The following DDX10 variants were observed in gnomAD, a reference collection of about 807,000 sequenced individuals.
DDX10 encodes DEAD-box helicase 10, also known as probable ATP-dependent RNA helicase DDX10.
In DDX10, 74 loss-of-function variants were observed where a neutral mutation model predicts 104.3. The observed-to-expected ratio is 0.71, with a 90% CI of 0.59 to 0.86. DDX10 has a LOEUF of 0.86. DDX10 is among the 40% of genes least tolerant of loss of function. The pLI is 0.00. For synonymous variants in DDX10, 351 were observed against 353.4 expected (o/e 0.99, Z 0.08); for missense variants, 952 against 1,040.0 (o/e 0.92, Z 1.16).
Position 108,723,337 on chromosome 11 carries a change from C to G in DDX10, c.1840C>G (p.Gln614Glu). The change falls in exon 13 of 18, where the codon CAG becomes GAG. Residue 614 changes from glutamine to glutamate, a missense_variant. This residue lies in a region of DDX10 where 533 missense variants were observed against 534.1 expected (regional missense o/e 1.00). Coordinates refer to ENST00000322536, the MANE Select transcript of DDX10 (RefSeq NM_004398.4). ...ATCTCTTCCTAACACCAGTGAGGCA[C>G]AGAAGATCAAGGAAGTTCCTACACA... ...APSLPNTSEA[Q>E]KIKEVPTQFL... The G allele has an allele frequency of 6.2e-7, 1 of 1,613,928 alleles. No homozygotes were observed. Among genetic ancestry groups the G allele is most frequent in the Non-Finnish European group, 8.5e-7 (1 of 1,179,922 alleles).
At chr11:108,920,549 C>T (rs1257665882) in intron 17 of DDX10, 1 of 152,112 alleles carries the variant, frequency 6.6e-6, no homozygotes, top group African/African-American at 2.4e-5. Context: ...GATGAAAAAA[C>T]CAAGGCTTTA....
chr11:108,855,766 T>C (rs1024243982), intron 16 of DDX10, among the ~76,000 whole-genome samples: 53 of 152,316 alleles, frequency 3.5e-4, no homozygotes, highest in African/African-American at 1.3e-3. Flanking sequence ...GCCAAAAGTA[T>C]GATTTATTAA....
chr11:108,771,892 A>G (rs1313160680), intron 13 of DDX10, among the ~76,000 whole-genome samples: 2 of 152,112 alleles, frequency 1.3e-5, no homozygotes, highest in East Asian at 3.9e-4. Context: ...TCTGATGTTG[A>G]TGTTCTTCTA....
chr11:108,788,336 A>G (rs1430211340), intron 13 of DDX10, among the ~76,000 whole-genome samples: 1 of 151,608 alleles, frequency 6.6e-6, no homozygotes, highest in African/African-American at 2.4e-5. Flanking sequence ...TCATGACTCT[A>G]TACAGAATCT....
rs535834063 is a variant in DDX10 at position 108,826,520 on chromosome 11, C to CTGTTA, written c.1966-11925_1966-11924insGTTAT. 3.6e-4 allele frequency among the ~76,000 whole-genome samples: 55 copies of CTGTTA among 152,328 alleles called. 1 individual carries two copies. The South Asian group carries it at 0.011, about 31-fold the overall frequency. The stretch of plus-strand genomic sequence containing the variant: ...CTCAGTTACCAGAGCCAAACTTGTT[C>CTGTTA]TTAACAAGTAGAATTTTTATGTCCA... On this transcript the variant is annotated intron_variant, in intron 13 of 17. Coordinates refer to ENST00000322536, the MANE Select transcript of DDX10 (RefSeq NM_004398.4).
At chr11:108,841,731 GTTA>G (rs1862641467) in intron 15 of DDX10, among the ~76,000 whole-genome samples, 1 of 152,020 alleles carries the variant, frequency 6.6e-6, no homozygotes, top group Admixed American at 6.5e-5. Context: ...TGGATTTGTT[GTTA>G]TTATTACAGT....
chr11:108,892,335 T>A (rs939466668), intron 16 of DDX10, among the ~76,000 whole-genome samples: 1 of 152,122 alleles, frequency 6.6e-6, no homozygotes, highest in African/African-American at 2.4e-5. Context: ...TTGATCCCCT[T>A]CCCCTCTGGA....
intron 17 of DDX10, among the ~76,000 whole-genome samples, chr11:108,933,400 A>G (rs1863999002): frequency 6.6e-6 from 1 of 152,230 alleles, no homozygotes; most frequent in Non-Finnish European, 1.5e-5. Context: ...TAGAATAGCC[A>G]GACTCGAGTT....
At chr11:108,890,590 A>AAT (rs1863362881) in intron 16 of DDX10, among the ~76,000 whole-genome samples, 6 of 150,896 alleles carry the variant, frequency 4.0e-5, no homozygotes, top group Admixed American at 4.0e-4. Context: ...AAAGGCCTCT[A>AAT]CCCTGCATAG....
intron 16 of DDX10, among the ~76,000 whole-genome samples, chr11:108,880,644 A>G (rs1353827264): frequency 6.6e-6 from 1 of 152,222 alleles, no homozygotes; most frequent in Non-Finnish European, 1.5e-5. Flanking sequence ...AGGAAAACGT[A>G]GGCACTTCGG....
chr11:108,727,555 A>G (rs1322822705), intron 13 of DDX10, among the ~76,000 whole-genome samples: 3 of 152,166 alleles, frequency 2.0e-5, no homozygotes, highest in South Asian at 2.1e-4. Flanking sequence ...TCAGAATTTT[A>G]TTGCCATATG....
rs1862637136 is a variant in DDX10, at chr11:108,841,447, T to C, written c.2218T>C (p.Tyr740His). 1 of 1,613,756 alleles carries C rather than the reference T, an allele frequency of 6.2e-7. No individual in the cohort carries two copies. The highest frequency in any genetic ancestry group is 2.2e-5 in the East Asian group (1 of 44,852). ...AGAGGACAAATTTGACAAAGAAGAA[T>C]ATAGGAAAAAAATTAAGGCAAAGCA... Reference protein sequence around the residue: ...QEEDKFDKEEYRKKIKAKHRE... With the variant: ...QEEDKFDKEEHRKKIKAKHRE... The change falls in exon 15 of 18, where the codon TAT becomes CAT. Residue 740 changes from tyrosine (Y) to histidine (H), a missense_variant. Transcript: ENST00000322536.
chr11:108,668,050 G>C (rs11212748), intron 1 of DDX10, among the ~76,000 whole-genome samples: 1 of 152,218 alleles, frequency 6.6e-6, no homozygotes, highest in South Asian at 2.1e-4. Context: ...GTTGTTTGCT[G>C]TAAGACTAGA....
Position 108,677,099 on chromosome 11 carries a change from A to G in DDX10, c.393A>G (p.Leu131=). 2 of 1,611,728 alleles carry G rather than the reference A, an allele frequency of 1.2e-6. No homozygotes were observed. The highest frequency in any genetic ancestry group is 1.1e-5 in the South Asian group (1 of 90,850). The part of the protein sequence containing the change: ...LAFLVPVLEA[L]YRLQWTSTDG... ...GTCTTTTTGAGGTGCTGGAAGCCTTATATCGTCTGCAATGGACTTCAACAG... is the reference window on the plus strand; with the variant it reads ...GTCTTTTTGAGGTGCTGGAAGCCTTGTATCGTCTGCAATGGACTTCAACAG... The change falls in exon 4 of 18, where the codon TTA becomes TTG. Residue 131 remains leucine, a synonymous_variant. Coordinates refer to ENST00000322536, the MANE Select transcript of DDX10 (RefSeq NM_004398.4).
chr11:108,677,234 T>C lies in DDX10; in HGVS notation c.528T>C (p.Ile176=). Residue 176 remains isoleucine (I), a synonymous_variant, in exon 4 of 18, where the codon ATT becomes ATC. Transcript: ENST00000322536. ...KNHDFSAGLI[I]GGKDLKHEAE... ...ATGACTTCTCAGCTGGTCTCATCAT[T>C]GGTGGAAAGGTTTGTCCTTTTGTCT... 6.2e-7 allele frequency: 1 copy of C among 1,613,234 alleles called. No individual in the cohort carries two copies. The highest frequency in any genetic ancestry group is 8.5e-7 in the Non-Finnish European group (1 of 1,179,378).
At chr11:108,737,277 AG>A (rs1490431710) in intron 13 of DDX10, among the ~76,000 whole-genome samples, 1 of 152,210 alleles carries the variant, frequency 6.6e-6, no homozygotes, top group Non-Finnish European at 1.5e-5. Context: ...AGGACAAAAA[AG>A]TTTATCTCTA....
chr11:108,739,397 T>G (rs965293681), intron 13 of DDX10, among the ~76,000 whole-genome samples: 2 of 152,244 alleles, frequency 1.3e-5, no homozygotes, highest in Non-Finnish European at 2.9e-5. Flanking sequence ...TATTCCAAAG[T>G]GTGCTTTCTG....
chr11:108,842,508 C>T (rs1226767485), intron 15 of DDX10, among the ~76,000 whole-genome samples: 2 of 152,128 alleles, frequency 1.3e-5, no homozygotes, highest in African/African-American at 4.8e-5. Context: ...CAGCAATTCT[C>T]ATTTCTTTAT....
At chr11:108,886,917 T>TTATC (rs1337958202) in intron 16 of DDX10, among the ~76,000 whole-genome samples, 1 of 152,214 alleles carries the variant, frequency 6.6e-6, no homozygotes, top group Non-Finnish European at 1.5e-5. Context: ...CATTTGTAGG[T>TTATC]TATCCATTAC....
Sources: allele counts gnomAD v4.1 joint callset (sites outside exome capture counted in the v4.1 genomes callset), GRCh38; gene constraint gnomAD v4.1.1; regional missense constraint gnomAD v4.1.1; transcripts MANE v1.5; gene names NCBI Gene and HGNC (gene_info 2026-07-23, HGNC 2026-07-21).